Variants in PLEC observed in about 807,000 individuals in gnomAD.
The protein encoded by PLEC is hemidesmosomal protein 1.
A neutral mutation model predicts 392.8 loss-of-function variants in PLEC; 216 were observed. The observed-to-expected ratio is 0.55, with a 90% CI of 0.49 to 0.62. The LOEUF (loss-of-function observed/expected upper bound fraction) is 0.62. Among genes scored for constraint, PLEC ranks in the 20% least tolerant of loss-of-function variants. The pLI, the probability that PLEC is intolerant of heterozygous loss-of-function variation, is 0.00. For synonymous variants in PLEC, 3,621 were observed against 2,980.6 expected, an observed-to-expected ratio of 1.21 and a Z score of -7.00; for missense variants, 6,863 against 6,563.4, an observed-to-expected ratio of 1.05 and a Z score of -1.58.
Position 143,919,464 on chromosome 8 carries a change from T to C in PLEC, c.10357A>G (p.Lys3453Glu), listed in dbSNP as rs1358043804. The C allele has an allele frequency of 3.1e-6, 5 of 1,613,146 alleles. No homozygotes were observed. Among genetic ancestry groups the C allele is most frequent in the Non-Finnish European group, 3.4e-6 (4 of 1,179,858 alleles). The stretch of plus-strand genomic sequence containing the variant: ...CCGTGCTGCCGGAGAACCAGGCCCT[T>C]CTGCATGGCCTGGAAGAGGGAGATG... The part of the protein sequence containing the change: ...STISLFQAMQ[K>E]GLVLRQHGIR... Residue 3453 changes from lysine to glutamate, a missense_variant, in exon 32 of 32, where the codon AAG (lysine) becomes GAG (glutamate). Lys to Glu is a moderately conservative substitution (Grantham distance 56, BLOSUM62 1). Transcript: ENST00000345136.
rs782724039 is a variant in PLEC at position 143,932,810 on chromosome 8, G to A, written c.1720C>T (p.Arg574Trp). 11 of 1,612,214 alleles carry A rather than the reference G, an allele frequency of 6.8e-6. No individual in the cohort carries two copies. The highest frequency in any genetic ancestry group is 2.2e-5 in the East Asian group (1 of 44,872). ...SIEEFRAKIE[R>W]ARSDEGQLSP... ...CCACCCACCTCGTCACTCCGTGCCC[G>A]CTCGATCTTGGCCCGGAATTCTTCG... The change falls in exon 14 of 32, where the codon CGG (arginine) becomes TGG (tryptophan). Residue 574 changes from arginine (R) to tryptophan (W), a missense_variant. Transcript: ENST00000345136.
intron 1 of PLEC, among the ~76,000 whole-genome samples, chr8:143,947,583 A>G (rs1311714857): frequency 7.1e-6 from 1 of 140,460 alleles, no homozygotes; most frequent in African/African-American, 2.7e-5. Context: ...CGTCTCTACT[A>G]AAAAAAAAAA....
rs781814767 is a variant in PLEC, at chr8:143,919,924, C to A, written c.9897G>T (p.Arg3299=). ...ITIVEEVETL[R]QERLSFSGLR... is the part of the protein sequence containing the mutation. ...GGCCGCTGAAGGACAGCCTCTCCTGCCGCAGGGTCTCCACCTCCTCCACGA... is the reference window on the plus strand; with the variant it reads ...GGCCGCTGAAGGACAGCCTCTCCTGACGCAGGGTCTCCACCTCCTCCACGA... The change falls in exon 32 of 32, where the codon CGG becomes CGT. Residue 3299 remains arginine (R), a synonymous_variant. Transcript: ENST00000345136. The A allele has an allele frequency of 7.4e-6, 12 of 1,613,246 alleles. No homozygotes were observed. The African/African-American group carries it at 1.3e-4, about 18-fold the overall frequency.
upstream of PLEC, chr8:143,976,688 C>A (rs28364664): frequency 0.021 from 3,211 of 152,322 alleles, 259 homozygotes; most frequent in East Asian, 0.24. Context: ...CCATCCTGGC[C>A]GCGGTCATAC....
At chr8:143,925,914 G>A (rs1824989542) in intron 30 of PLEC, 30 bp from the exon 31 acceptor site, 1 of 1,534,626 alleles carries the variant, frequency 6.5e-7, no homozygotes, top group Non-Finnish European at 8.7e-7. Context: ...AAGAAGAGAA[G>A]CAGAGAGAGT....
intron 2 of PLEC, 109 bp from the exon 3 acceptor site, chr8:143,938,349 C>A: frequency 6.5e-7 from 1 of 1,536,410 alleles, no homozygotes; most frequent in African/African-American, 1.4e-5. Flanking sequence ...GAGGCGGGGG[C>A]TGAGTCTCCC....
chr8:143,948,700 G>A (rs1554733528), intron 1 of PLEC, among the ~76,000 whole-genome samples: 1 of 152,190 alleles, frequency 6.6e-6, no homozygotes, highest in Non-Finnish European at 1.5e-5. Context: ...GCCACACCCA[G>A]CACACCCCAC....
At position 143,933,357 on chromosome 8, in the gene PLEC, A is replaced by T; in HGVS notation, c.1264-6T>A. ...GCAGCCAGCAGCCGGACATCCTGCAAGGTCGTTGCCATGACTCGGAGCACA... is the reference window on the plus strand; with the variant it reads ...GCAGCCAGCAGCCGGACATCCTGCATGGTCGTTGCCATGACTCGGAGCACA... On this transcript the variant is annotated splice_region_variant and splice_polypyrimidine_tract_variant and intron_variant, in intron 12 of 31. Transcript: ENST00000345136. 2 of 1,609,824 alleles carry T rather than the reference A, an allele frequency of 1.2e-6. No individual in the cohort carries two copies. The highest frequency in any genetic ancestry group is 1.7e-6 in the Non-Finnish European group (2 of 1,179,930).
upstream of PLEC, among the ~76,000 whole-genome samples, chr8:143,940,776 TG>T (rs1267604379): frequency 1.3e-5 from 2 of 152,110 alleles, no homozygotes; most frequent in African/African-American, 2.4e-5. Flanking sequence ...ACCCTCACAA[TG>T]GGGGGTGCCC....
rs782644803 is a variant in PLEC at position 143,918,828 on chromosome 8, G to C, written c.10993C>G (p.Leu3665Val). ...ARIISLETYN[L>V]LREGTRSLRE... is the part of the protein sequence containing the mutation. ...AGGCTCCTGGTGCCCTCCCGGAGCA[G>C]GTTGTAGGTCTCGAGAGAGATGATC... Residue 3665 changes from leucine to valine, a missense_variant, in exon 32 of 32, where the codon CTG (leucine) becomes GTG (valine). Leu to Val is a conservative substitution (Grantham distance 32). Coordinates refer to ENST00000345136, the MANE Select transcript of PLEC (RefSeq NM_201384.3). 1 of 1,613,218 alleles carries C rather than the reference G, an allele frequency of 6.2e-7. No homozygotes were observed. The highest frequency in any genetic ancestry group is 1.1e-5 in the South Asian group (1 of 91,086).
intron 19 of PLEC, 107 bp from the exon 20 acceptor site, chr8:143,930,643 C>G: frequency 8.2e-7 from 1 of 1,222,366 alleles, no homozygotes; most frequent in East Asian, 2.6e-5. Flanking sequence ...CTGATGCTCC[C>G]GGGGTGGCAG....
At position 143,932,021 on chromosome 8, in the gene PLEC, C is replaced by T. The variant is rs373347166; in HGVS notation, c.2094G>A (p.Ala698=). ...PARPTVESFQ[A]ALQTQWSWML... ...TCCAGCTCCACTGCGTCTGCAGGGC[C>T]GCCTGGAAGGACTGCGGGACAGCAG... Residue 698 remains alanine, a synonymous_variant, in exon 18 of 32, where the codon GCG becomes GCA. Transcript: ENST00000345136. 9.6e-5 allele frequency: 153 copies of T among 1,601,698 alleles called. No homozygotes were observed. Among genetic ancestry groups the T allele is most frequent in the Non-Finnish European group, 1.2e-4 (142 of 1,175,254 alleles).
In PLEC at chr8:143,920,708, A is replaced by G. The variant is rs1033852492; in HGVS notation, c.9113T>C (p.Leu3038Pro). Residue 3038 changes from leucine to proline, a missense_variant, in exon 32 of 32, where the codon CTG becomes CCG. Leu to Pro is a moderately conservative substitution (Grantham distance 98). Coordinates refer to ENST00000345136, the MANE Select transcript of PLEC (RefSeq NM_201384.3). ...TTTCTTCAGGGCATTGTAGATACTC[A>G]GCTTCTGCCCCGCCTCCTCCAGCCA... ...GVWLEEAGQK[L>P]SIYNALKKDL... The G allele has an allele frequency of 1.9e-6, 3 of 1,602,744 alleles. No homozygotes were observed. Among genetic ancestry groups the G allele is most frequent in the Non-Finnish European group, 2.5e-6 (3 of 1,179,852 alleles).
chr8:143,955,082 GCCCGTC>G (rs1190948732), upstream of PLEC, among the ~76,000 whole-genome samples: 4 of 152,144 alleles, frequency 2.6e-5, no homozygotes, highest in African/African-American at 7.2e-5. Context: ...TCGTCCCCCT[GCCCGTC>G]CCTGCCCTCC....
upstream of PLEC, chr8:143,953,830 G>A (rs147713970): frequency 0.033 from 53,410 of 1,605,248 alleles, 1,263 homozygotes; most frequent in Non-Finnish European, 0.035. Flanking sequence ...GCCCCGCACC[G>A]CACTGCCCAG....
chr8:143,923,274 C>T lies in PLEC; in HGVS notation c.6655G>A (p.Ala2219Thr), dbSNP rs376020032. ...LQRLKAEATE[A>T]ARQRSQVEEE... The stretch of plus-strand genomic sequence containing the variant: ...TCCACCTGGCTGCGCTGGCGTGCGG[C>T]CTCCGTGGCCTCCGCCTTCAGCCGC... The change falls in exon 31 of 32, where the codon GCC becomes ACC. Residue 2219 changes from alanine to threonine, a missense_variant. Ala to Thr is a moderately conservative substitution (Grantham distance 58). Coordinates refer to ENST00000345136, the MANE Select transcript of PLEC (RefSeq NM_201384.3). 1.9e-6 allele frequency: 3 copies of T among 1,606,948 alleles called. No individual in the cohort carries two copies. Among genetic ancestry groups the T allele is most frequent in the African/African-American group, 1.3e-5 (1 of 74,900 alleles).
rs1215935345 is a variant in PLEC, at chr8:143,969,721, G to A, written c.70+3682C>T. On this transcript the variant is annotated intron_variant, in intron 1 of 31. Coordinates refer to the PLEC transcript ENST00000356346. This position sits in a 1 kb window ranked among gnomAD's most constrained non-coding sequence, Gnocchi z 5.1. ...GGGCATGAGTGCAGGCCGGGGAGTG[G>A]GGAGTGGGGCCAGCCGGGGGCCTGG... is the stretch of plus-strand genomic sequence containing the variant. Among the ~76,000 whole-genome samples, 1 of 152,124 alleles carries A rather than the reference G, an allele frequency of 6.6e-6. No individual in the cohort carries two copies. Among genetic ancestry groups the A allele is most frequent in the East Asian group, 1.9e-4 (1 of 5,190 alleles).
At chr8:143,949,583 C>T (rs1332741612) in intron 1 of PLEC, among the ~76,000 whole-genome samples, 7 of 152,352 alleles carry the variant, frequency 4.6e-5, no homozygotes, top group Non-Finnish European at 8.8e-5. Context: ...CACACCACAG[C>T]CTGGCCTCTG....
At chr8:143,950,712 C>T (rs781903443) in exon 1 of PLEC, 1 of 1,556,824 alleles carries the variant, frequency 6.4e-7, no homozygotes, top group Non-Finnish European at 8.6e-7. Context: ...ACCATGGCTG[C>T]TGGAGCCGGG....
Sources: gnomAD v4.1 joint callset for allele counts (sites outside exome capture counted in the v4.1 genomes callset) on GRCh38, gnomAD v4.1.1 for gene constraint, Gnocchi (gnomAD v3.1) non-coding constraint, MANE v1.5 for transcripts, NCBI Gene and HGNC (gene_info 2026-07-23, HGNC 2026-07-21) for gene names.